SAXO5: variants seen among roughly 807,000 people sequenced by gnomAD.
SAXO5 encodes stabilizer of axonemal microtubules 5.
chr19:7,500,769 G>A, the SAXO5 span: 14 of 1,386,142 alleles, frequency 1.0e-5, no homozygotes, highest in Non-Finnish European at 1.2e-5. Flanking sequence ...TGCCCCAATG[G>A]GCACTTGCTC....
the SAXO5 span, chr19:7,506,312 C>T: frequency 1.4e-6 from 1 of 718,074 alleles, no homozygotes; most frequent in African/African-American, 1.8e-5. Flanking sequence ...AAGCCTCGCC[C>T]TTGCCACTGC....
the SAXO5 span, chr19:7,506,622 CT>C: frequency 2.8e-6 from 1 of 358,330 alleles, no homozygotes; most frequent in Non-Finnish European, 5.3e-6. Context: ...CCCTGACCTT[CT>C]TAGCCCTATG....
the SAXO5 span, among the ~76,000 whole-genome samples, chr19:7,499,110 G>A: frequency 5.9e-5 from 9 of 151,946 alleles, no homozygotes; most frequent in South Asian, 2.1e-4. Flanking sequence ...TCAGGAGTTC[G>A]AGACCAGCCT....
the SAXO5 span, chr19:7,505,336 C>A: frequency 6.2e-7 from 1 of 1,614,174 alleles, no homozygotes; most frequent in Non-Finnish European, 8.5e-7. Flanking sequence ...ATGACAAGGC[C>A]CAGGCCACAG....
chr19:7,506,092 T>G, the SAXO5 span: 8 of 1,613,092 alleles, frequency 5.0e-6, no homozygotes, highest in African/African-American at 1.1e-4. Flanking sequence ...ACTACTGCCC[T>G]TCAGAGTGGA....
chr19:7,499,833 C>T, the SAXO5 span: 1 of 151,934 alleles, frequency 6.6e-6, no homozygotes, highest in Non-Finnish European at 1.5e-5. Flanking sequence ...AAGAATTAGC[C>T]ATGCATGGTG....
At chr19:7,503,194 C>T in the SAXO5 span, among the ~76,000 whole-genome samples, 1,849 of 152,214 alleles carry the variant, frequency 0.012, 41 homozygotes, top group African/African-American at 0.042. Flanking sequence ...GAAACCACAT[C>T]TCTACTAAAA....
At chr19:7,507,127 G>A in the SAXO5 span, 10 of 1,613,908 alleles carry the variant, frequency 6.2e-6, no homozygotes, top group South Asian at 7.7e-5. Context: ...GGTGACTGAA[G>A]AGATGCTACA....
chr19:7,504,272 C>CT, the SAXO5 span: 1 of 1,613,162 alleles, frequency 6.2e-7, no homozygotes, highest in African/African-American at 1.3e-5. Flanking sequence ...GAATTGGGGG[C>CT]TGGGTGGTTT....
the SAXO5 span, among the ~76,000 whole-genome samples, chr19:7,507,984 G>C: frequency 6.6e-6 from 1 of 151,858 alleles, no homozygotes; most frequent in Admixed American, 6.6e-5. Context: ...CCCCGCCCCT[G>C]CATAACTCCA....
the SAXO5 span, chr19:7,505,571 A>G: frequency 6.2e-7 from 1 of 1,614,216 alleles, no homozygotes; most frequent in South Asian, 1.1e-5. Flanking sequence ...CTGAAAGGAA[A>G]TTGGTGCCCC....
chr19:7,507,437 G>A, the SAXO5 span, among the ~76,000 whole-genome samples: 25 of 151,994 alleles, frequency 1.6e-4, no homozygotes, highest in Admixed American at 6.5e-5. Context: ...ACAAAAATTA[G>A]TCAGGCATGG....
chr19:7,506,512 A>G, the SAXO5 span: 2,850 of 381,774 alleles, frequency 7.5e-3, 43 homozygotes, highest in African/African-American at 0.033. Context: ...TCTCTTATCC[A>G]GTCTTAACTC....
chr19:7,498,072 A>G, the SAXO5 span, among the ~76,000 whole-genome samples: 1 of 151,350 alleles, frequency 6.6e-6, no homozygotes, highest in Non-Finnish European at 1.5e-5. Context: ...AATCGCTTGA[A>G]TCCAGGAGGA....
At chr19:7,507,647 CAG>C in the SAXO5 span, among the ~76,000 whole-genome samples, 1 of 151,960 alleles carries the variant, frequency 6.6e-6, no homozygotes, top group Non-Finnish European at 1.5e-5. Flanking sequence ...AAGGTCAGCT[CAG>C]GGGCATCTTT....
At chr19:7,501,297 C>G in the SAXO5 span, 2 of 1,573,546 alleles carry the variant, frequency 1.3e-6, no homozygotes, top group Non-Finnish European at 1.7e-6. Context: ...CTCCCTGCCT[C>G]CTGGCGACCG....
chr19:7,497,954 CA>C, the SAXO5 span, among the ~76,000 whole-genome samples: 1 of 152,078 alleles, frequency 6.6e-6, no homozygotes, highest in African/African-American at 2.4e-5. Context: ...AGTTCGAGAC[CA>C]GGCTGGCCAA....
At chr19:7,506,280 G>T in the SAXO5 span, 1 of 808,472 alleles carries the variant, frequency 1.2e-6, no homozygotes, top group Non-Finnish European at 1.8e-6. Context: ...ACGGAGCCCC[G>T]TCCCGGGAAG....
At chr19:7,501,514 C>T in the SAXO5 span, 1 of 1,240,590 alleles carries the variant, frequency 8.1e-7, no homozygotes, top group Non-Finnish European at 1.0e-6. Context: ...TCTGGAAACG[C>T]TTTTGGTGGT....
Sources: gnomAD v4.1 joint callset for allele counts (sites outside exome capture counted in the v4.1 genomes callset) on GRCh38, gnomAD v4.1.1 for gene constraint, MANE v1.5 for transcripts, NCBI Gene and HGNC (gene_info 2026-07-23, HGNC 2026-07-21) for gene names.